The following COL21A1 variants were observed in gnomAD, a reference collection of about 807,000 sequenced individuals.
COL21A1 encodes collagen alpha-1(XXI) chain.
Under a neutral mutation model 137.9 loss-of-function variants are expected in COL21A1, and 149 were observed. The observed-to-expected ratio is 1.08, with a 90% CI of 0.95 to 1.24. The LOEUF (loss-of-function observed/expected upper bound fraction) is 1.24, where lower values mean the gene tolerates loss of function less well. Among genes scored for constraint, COL21A1 ranks in the 50% most tolerant of loss-of-function variants. COL21A1 has a pLI of 0.00. For missense variants in COL21A1, 1,167 were observed against 1,158.4 expected (o/e 1.01, Z -0.11); for synonymous variants, 456 against 391.5 (o/e 1.16, Z -1.95).
At chr6:56,269,422 G>A (rs918384296) in intron 1 of COL21A1, among the ~76,000 whole-genome samples, 17 of 152,054 alleles carry the variant, frequency 1.1e-4, no homozygotes, top group South Asian at 2.1e-4. Context: ...TTGGGAGGCC[G>A]AGGCGGGCGG....
intron 17 of COL21A1, among the ~76,000 whole-genome samples, chr6:56,081,357 C>T (rs898555467): frequency 1.3e-5 from 2 of 151,594 alleles, no homozygotes; most frequent in African/African-American, 2.4e-5. Context: ...CACTCGGGGA[C>T]GCCAACAAGT....
chr6:56,144,290 G>A (rs967385633), intron 10 of COL21A1, among the ~76,000 whole-genome samples: 1 of 152,186 alleles, frequency 6.6e-6, no homozygotes, highest in African/African-American at 2.4e-5. Context: ...GAGCCAGTGG[G>A]AACATTCTCT....
At chr6:56,350,179 A>C (rs1562067499) in intron 1 of COL21A1, among the ~76,000 whole-genome samples, 1 of 152,286 alleles carries the variant, frequency 6.6e-6, no homozygotes, top group East Asian at 1.9e-4. Flanking sequence ...TTCAATATAC[A>C]CTTGCAGTCC....
chr6:56,143,855 T>C (rs1343094765), intron 10 of COL21A1, among the ~76,000 whole-genome samples: 1 of 152,152 alleles, frequency 6.6e-6, no homozygotes, highest in Non-Finnish European at 1.5e-5. Context: ...TGATAGAACA[T>C]TGGAATAATT....
chr6:56,165,963 A>C lies in COL21A1; in HGVS notation c.1278+943T>G, dbSNP rs1389114276. On this transcript the variant is annotated intron_variant, in intron 7 of 29. Transcript: ENST00000244728. ...ACACACACACTCCATGCGATGCTAT[A>C]ATATTTTAGCTCATAATCTTTTTCC... Among the ~76,000 whole-genome samples the C allele has an allele frequency of 2.0e-5, 3 of 149,888 alleles. No individual in the cohort carries two copies. In the East Asian group the frequency reaches 5.8e-4, roughly 29 times the overall value.
chr6:56,057,538 A>AT lies in COL21A1; in HGVS notation c.*118_*119insA. 1 of 932,352 alleles carries AT rather than the reference A, an allele frequency of 1.1e-6. No homozygotes were observed. The highest frequency in any genetic ancestry group is 1.6e-6 in the Non-Finnish European group (1 of 615,218). The allele number at this position is 932,352 out of a possible 1,614,324, so 57.8% of individuals were successfully genotyped here. A position where few individuals can be genotyped will look rare whatever the true frequency, so the allele number is the denominator to read the frequency against. ...ATATTTTTTTCCATAAGAAAAAAAAAATAAAAACACCGAGGTACTTAAGTT... is the reference window on the plus strand; with the variant it reads ...ATATTTTTTTCCATAAGAAAAAAAAATATAAAAACACCGAGGTACTTAAGTT... On this transcript the variant is annotated 3_prime_UTR_variant, in exon 30 of 30. Coordinates refer to ENST00000244728, the MANE Select transcript of COL21A1 (RefSeq NM_030820.4).
chr6:56,096,918 T>A (rs1225046384), intron 17 of COL21A1, among the ~76,000 whole-genome samples: 2 of 152,170 alleles, frequency 1.3e-5, no homozygotes, highest in African/African-American at 4.8e-5. Flanking sequence ...ACAAAATATA[T>A]AAACTTTATG....
Position 56,325,982 on chromosome 6 carries a change from T to C in COL21A1, c.-39+67989A>G, listed in dbSNP as rs1765075941. ...TATATAATATATATTATATATTATA[T>C]AATATATGTATATACATACATATAT... On this transcript the variant is annotated intron_variant, in intron 1 of 28. Transcript: ENST00000370819. 2.5e-4 allele frequency among the ~76,000 whole-genome samples: 5 copies of C among 19,954 alleles called. No individual in the cohort carries two copies. In the South Asian group the frequency reaches 9.1e-3, roughly 36 times the overall value. 13.1% of individuals were successfully genotyped at this position (19,954 alleles called of 152,430 possible). A position where few individuals can be genotyped will look rare whatever the true frequency, so the allele number is the denominator to read the frequency against.
chr6:56,103,793 C>T (rs1562200946), intron 16 of COL21A1, among the ~76,000 whole-genome samples: 1 of 152,124 alleles, frequency 6.6e-6, no homozygotes, highest in Non-Finnish European at 1.5e-5. Context: ...TCATCTGAAT[C>T]ACCCGGAAGG....
At chr6:56,321,705 G>A (rs1402911065) in intron 1 of COL21A1, among the ~76,000 whole-genome samples, 2 of 152,148 alleles carry the variant, frequency 1.3e-5, no homozygotes, top group Non-Finnish European at 2.9e-5. Context: ...TTGCAAAGGA[G>A]AAGAGAGTTT....
At chr6:56,317,471 C>T (rs1764764441) in intron 1 of COL21A1, among the ~76,000 whole-genome samples, 1 of 152,064 alleles carries the variant, frequency 6.6e-6, no homozygotes, top group Admixed American at 6.6e-5. Context: ...ATTTTAGTTC[C>T]TTATTCACTT....
intron 10 of COL21A1, among the ~76,000 whole-genome samples, chr6:56,154,162 A>G (rs1775552803): frequency 1.3e-5 from 2 of 152,092 alleles, no homozygotes; most frequent in African/African-American, 4.8e-5. Context: ...TCTTGATAAA[A>G]AGGATGACTG....
At chr6:56,364,363 T>C (rs948233543) in intron 1 of COL21A1, among the ~76,000 whole-genome samples, 1 of 152,182 alleles carries the variant, frequency 6.6e-6, no homozygotes, top group East Asian at 1.9e-4. Flanking sequence ...AAACAAACAG[T>C]TTCTTTGACT....
chr6:56,105,581 GA>G lies in COL21A1; in HGVS notation c.1759-4057del, dbSNP rs1770816764. Among the ~76,000 whole-genome samples the G allele has an allele frequency of 2.0e-5, 3 of 152,160 alleles. No individual in the cohort carries two copies. In the South Asian group the frequency reaches 6.2e-4, roughly 32 times the overall value. ...TTTCATCATTATTTTCTATAACTAG[GA>G]GAGAATATTTGGGTATAACATGATT... On this transcript the variant is annotated intron_variant, in intron 16 of 29. Coordinates refer to ENST00000244728, the MANE Select transcript of COL21A1 (RefSeq NM_030820.4).
chr6:56,291,202 C>G (rs1013883067), intron 1 of COL21A1, among the ~76,000 whole-genome samples: 2 of 152,126 alleles, frequency 1.3e-5, no homozygotes, highest in Admixed American at 6.5e-5. Context: ...AAAACTCTAA[C>G]AATATATTAT....
chr6:56,343,757 A>G (rs1765521746), intron 1 of COL21A1, among the ~76,000 whole-genome samples: 2 of 152,218 alleles, frequency 1.3e-5, no homozygotes, highest in Non-Finnish European at 2.9e-5. Context: ...ACTGAGCAAC[A>G]TAGCAAGATC....
At chr6:56,139,513 ACAC>A (rs974961308) in intron 12 of COL21A1, among the ~76,000 whole-genome samples, 6 of 152,156 alleles carry the variant, frequency 3.9e-5, no homozygotes, top group East Asian at 1.9e-4. Context: ...ACACACACAC[ACAC>A]AAGTGTTTGG....
chr6:56,355,785 T>C (rs1188655796), intron 1 of COL21A1, among the ~76,000 whole-genome samples: 1 of 152,200 alleles, frequency 6.6e-6, no homozygotes, highest in Non-Finnish European at 1.5e-5. Flanking sequence ...AGCCAGCTGA[T>C]GGATCCAAAG....
chr6:56,332,893 C>T (rs1765261473), intron 1 of COL21A1, among the ~76,000 whole-genome samples: 1 of 152,024 alleles, frequency 6.6e-6, no homozygotes, highest in Non-Finnish European at 1.5e-5. Flanking sequence ...TTTGTAAAAA[C>T]TCTTTAGGTG....
Sources: gnomAD v4.1 joint callset for allele counts (sites outside exome capture counted in the v4.1 genomes callset) on GRCh38, gnomAD v4.1.1 for gene constraint, MANE v1.5 for transcripts, NCBI Gene and HGNC (gene_info 2026-07-23, HGNC 2026-07-21) for gene names.